The following NELFA variants were observed in gnomAD, a reference collection of about 807,000 sequenced individuals.
NELFA encodes negative elongation factor A.
A neutral mutation model predicts 51.8 loss-of-function variants in NELFA; 35 were observed. The observed-to-expected ratio is 0.68, with a 90% CI of 0.52 to 0.90. The LOEUF (loss-of-function observed/expected upper bound fraction) is 0.90. NELFA is among the 40% of genes least tolerant of loss of function. The pLI is 0.00. For missense variants in NELFA, 658 were observed against 746.4 expected (o/e 0.88, Z 1.38); for synonymous variants, 417 against 338.4 (o/e 1.23, Z -2.55).
In NELFA at chr4:1,989,997, CCT is replaced by C. The variant is rs1029678111; in HGVS notation, c.383-130_383-129del. 8.1e-5 allele frequency: 90 copies of C among 1,109,508 alleles called. No homozygotes were observed. Among genetic ancestry groups the C allele is most frequent in the Non-Finnish European group, 9.1e-5 (71 of 783,784 alleles). The allele number at this position is 1,109,508 out of a possible 1,614,324, so 68.7% of individuals were successfully genotyped here. Reference sequence around the variant, plus strand: ...TAGGTCATGGGAGCTTCGGCTGTCCCCTGAGGTCCTCGAGACTGACTCCCCAC... The same window carrying C: ...TAGGTCATGGGAGCTTCGGCTGTCCCGAGGTCCTCGAGACTGACTCCCCAC... On this transcript the variant is annotated intron_variant, in intron 2 of 10. Transcript: ENST00000382882. This position sits in a 1 kb window ranked among gnomAD's most constrained non-coding sequence, Gnocchi z 4.8.
intron 7 of NELFA, 107 bp from the exon 8 acceptor site, chr4:1,985,026 G>A (rs1728040684): frequency 3.8e-6 from 3 of 789,694 alleles, no homozygotes; most frequent in African/African-American, 1.8e-5. Flanking sequence ...GGCCCCCCGA[G>A]CTAGAGCAGG....
intron 1 of NELFA, chr4:2,003,747 G>T (rs1039341390): frequency 6.6e-6 from 1 of 152,104 alleles, no homozygotes; most frequent in South Asian, 2.1e-4. Flanking sequence ...GGGAGTGAGG[G>T]GAGGGAACTT....
chr4:1,993,998 G>C (rs1343934568), intron 1 of NELFA, among the ~76,000 whole-genome samples: 1 of 152,180 alleles, frequency 6.6e-6, no homozygotes, highest in Non-Finnish European at 1.5e-5. Flanking sequence ...AATTCTTAGA[G>C]AGCAGGGGCC....
At chr4:1,984,571 C>G (rs1457375346) in intron 8 of NELFA, among the ~76,000 whole-genome samples, 2 of 152,248 alleles carry the variant, frequency 1.3e-5, no homozygotes, top group Admixed American at 6.5e-5. Context: ...CCTGCCGTGT[C>G]CCCTGGGGCC....
intron 7 of NELFA, 149 bp from the exon 8 acceptor site, chr4:1,985,068 G>C: frequency 3.3e-6 from 2 of 602,902 alleles, no homozygotes; most frequent in South Asian, 4.2e-5. Context: ...AGCTCCCTGG[G>C]CTAGACAACG....
rs751851413 is a variant in NELFA at position 1,983,857 on chromosome 4, C to T, written c.1293G>A (p.Leu431=). ...ACCAGTGTACACCTACCGTGAGGGA[C>T]AGGTTCTTCTTAGGCTGCTGCTGAG... The part of the protein sequence containing the change: ...APAQQQPKKN[L]SLTREQMFAA... Residue 431 remains leucine (L), a synonymous_variant, in exon 9 of 11, where the codon CTG becomes CTA. Coordinates refer to ENST00000382882, the MANE Select transcript of NELFA (RefSeq NM_005663.5). The T allele has an allele frequency of 1.3e-6, 2 of 1,575,032 alleles. No individual in the cohort carries two copies. The highest frequency in any genetic ancestry group is 1.7e-6 in the Non-Finnish European group (2 of 1,160,084).
At chr4:1,997,753 C>T (rs1277360055) in intron 1 of NELFA, among the ~76,000 whole-genome samples, 2 of 152,208 alleles carry the variant, frequency 1.3e-5, no homozygotes, top group African/African-American at 4.8e-5. Context: ...TTTCCCCCCA[C>T]TGAAGCACAC....
intron 1 of NELFA, among the ~76,000 whole-genome samples, chr4:1,993,579 A>AAG (rs1728340652): frequency 1.3e-5 from 1 of 77,050 alleles, no homozygotes; most frequent in African/African-American, 4.9e-5. Flanking sequence ...ACTCCATCTC[A>AAG]AAAAAAAAAA....
intron 7 of NELFA, 52 bp downstream of exon 7, chr4:1,985,724 A>G: frequency 6.7e-7 from 1 of 1,491,630 alleles, no homozygotes; most frequent in Non-Finnish European, 9.3e-7. Flanking sequence ...CAATCGGAAC[A>G]AAAGGGGCAC....
intron 6 of NELFA, 24 bp downstream of exon 6, chr4:1,986,090 C>T (rs965035471): frequency 5.8e-6 from 9 of 1,548,972 alleles, no homozygotes; most frequent in South Asian, 1.2e-5. Context: ...CCATTGCCGC[C>T]GACACGCAGG....
In NELFA at chr4:1,989,962, C is replaced by G. The variant is rs1728224537; in HGVS notation, c.383-93G>C. 4.8e-6 allele frequency: 7 copies of G among 1,472,142 alleles called. No individual in the cohort carries two copies. Among genetic ancestry groups the G allele is most frequent in the Non-Finnish European group, 6.4e-6 (7 of 1,088,448 alleles). The allele number at this position is 1,472,142 out of a possible 1,614,324, so 91.2% of individuals were successfully genotyped here. A position where few individuals can be genotyped will look rare whatever the true frequency, so the allele number is the denominator to read the frequency against. ...CGGCTGCCCAGCCCCACACCCTCCT[C>G]AGTTAGGGTTAGGTCATGGGAGCTT... On this transcript the variant is annotated intron_variant, in intron 2 of 10. Transcript: ENST00000382882. The surrounding 1 kb of genome is among the most constrained non-coding windows in gnomAD (Gnocchi z 4.8).
intron 8 of NELFA, 83 bp downstream of exon 8, chr4:1,984,725 C>A (rs1194459404): frequency 1.0e-6 from 1 of 969,884 alleles, no homozygotes; most frequent in African/African-American, 1.6e-5. Flanking sequence ...GGAGTGAGAA[C>A]CGCAGCCCTG....
chr4:1,992,002 A>C, intron 1 of NELFA: 3 of 324,964 alleles, frequency 9.2e-6, no homozygotes, highest in Admixed American at 4.7e-5. Flanking sequence ...CTACTCTTCC[A>C]CCGGTGCGCA....
intron 7 of NELFA, 59 bp from the exon 8 acceptor site, chr4:1,984,978 C>A: frequency 7.8e-7 from 1 of 1,285,968 alleles, no homozygotes; most frequent in Non-Finnish European, 1.1e-6. Context: ...CATGTGCTAA[C>A]ACATGGCCCG....
intron 1 of NELFA, among the ~76,000 whole-genome samples, chr4:1,999,293 C>T (rs1728511941): frequency 6.6e-6 from 1 of 151,384 alleles, no homozygotes; most frequent in African/African-American, 2.4e-5. Context: ...TCACACATAA[C>T]AATATTAACC....
intron 6 of NELFA, 93 bp downstream of exon 6, chr4:1,986,021 G>T: frequency 6.9e-7 from 1 of 1,445,568 alleles, no homozygotes; most frequent in South Asian, 1.3e-5. Flanking sequence ...ACGGGGCACA[G>T]CCCTGCCCGC....
chr4:2,003,764 C>T (rs899491380), intron 1 of NELFA: 4 of 150,464 alleles, frequency 2.7e-5, no homozygotes, highest in Admixed American at 1.3e-4. Flanking sequence ...ACTTAAAGGA[C>T]GGGTCAATAG....
rs371547502 is a variant in NELFA, at chr4:1,989,752, C to T, written c.500G>A (p.Arg167Gln). Residue 167 changes from arginine (R) to glutamine (Q), a missense_variant, in exon 3 of 11, where the codon CGG becomes CAG. By Grantham distance (43) the Arg-to-Gln change is conservative. This residue lies in a region of NELFA where 371 missense variants were observed against 448.3 expected (regional missense o/e 0.83). Coordinates refer to ENST00000382882, the MANE Select transcript of NELFA (RefSeq NM_005663.5). This position sits in a 1 kb window ranked among gnomAD's most constrained non-coding sequence, Gnocchi z 4.8. Reference protein sequence around the residue: ...TPPVKHFQLKRKPKSATLRAE... With the variant: ...TPPVKHFQLKQKPKSATLRAE... ...CCGCAGCGTGGCGCTCTTGGGTTTC[C>T]GCTTTAACTGAAAATGCTTCACCGG... The T allele has an allele frequency of 5.0e-6, 8 of 1,614,036 alleles. No individual in the cohort carries two copies. Among genetic ancestry groups the T allele is most frequent in the African/African-American group, 1.3e-5 (1 of 74,938 alleles).
At position 1,991,623 on chromosome 4, in the gene NELFA, C is replaced by G. The variant is rs144562260; in HGVS notation, c.303G>C (p.Pro101=). 18 of 1,613,856 alleles carry G rather than the reference C, an allele frequency of 1.1e-5. No homozygotes were observed. In the Admixed American group the frequency reaches 1.3e-4, roughly 12 times the overall value. The change falls in exon 2 of 11, where the codon CCG becomes CCC. Residue 101 remains proline (P), a synonymous_variant. Coordinates refer to ENST00000382882, the MANE Select transcript of NELFA (RefSeq NM_005663.5). ...GCTCCAGGTTAAGCGAGCCTGTGTC[C>G]GGAAAGGACTTCAAGATGTCGGCGA... is the stretch of plus-strand genomic sequence containing the variant. ...LMVADILKSF[P]DTGSLNLELE...
Sources: gnomAD v4.1 joint callset for allele counts (sites outside exome capture counted in the v4.1 genomes callset) on GRCh38, gnomAD v4.1.1 for gene constraint, gnomAD v4.1.1 regional missense constraint, Gnocchi (gnomAD v3.1) non-coding constraint, MANE v1.5 for transcripts, NCBI Gene and HGNC (gene_info 2026-07-23, HGNC 2026-07-21) for gene names.